GAREM1: variants seen among roughly 807,000 people sequenced by gnomAD.
The protein encoded by GAREM1 is GRB2 associated regulator of MAPK1 subtype 1.
A neutral mutation model predicts 71.3 loss-of-function variants in GAREM1; 26 were observed. The observed-to-expected ratio is 0.36, with a 90% CI of 0.27 to 0.51. GAREM1 has a LOEUF of 0.51. GAREM1 is among the 20% of genes least tolerant of loss of function. The probability of loss-of-function intolerance (pLI) is 0.95; values close to 1 mark genes in which losing one functional copy is unlikely to be tolerated. For missense variants in GAREM1, 1,026 were observed against 1,103.1 expected, an observed-to-expected ratio of 0.93 and a Z score of 0.99; for synonymous variants, 440 against 433.2, an observed-to-expected ratio of 1.02 and a Z score of -0.20.
Position 32,267,673 on chromosome 18 carries a change from G to T in GAREM1, c.*198C>A. The T allele has an allele frequency of 1.9e-6, 1 of 529,610 alleles. No homozygotes were observed. 32.8% of individuals were successfully genotyped at this position (529,610 alleles called of 1,614,324 possible). Reference sequence around the variant, plus strand: ...AGTGACGTACAAGGCACACCTCCAAGTGTTCTGTACAGCATTTTTATTGAT... The same window carrying T: ...AGTGACGTACAAGGCACACCTCCAATTGTTCTGTACAGCATTTTTATTGAT... On this transcript the variant is annotated 3_prime_UTR_variant, in exon 6 of 6. Coordinates refer to ENST00000269209, the MANE Select transcript of GAREM1 (RefSeq NM_001242409.2).
In GAREM1 at chr18:32,470,636, G is replaced by C. The variant is rs2049045684; in HGVS notation, c.-208C>G. Among the ~76,000 whole-genome samples, 1 of 148,632 alleles carries C rather than the reference G, an allele frequency of 6.7e-6. No homozygotes were observed. Among genetic ancestry groups the C allele is most frequent in the Admixed American group, 6.7e-5 (1 of 14,946 alleles). The stretch of plus-strand genomic sequence containing the variant: ...GGCTCAGCTGCCGCTGCGGGGCATG[G>C]CTGGGGCGCCCCGCGTGCCCTCACG... On this transcript the variant is annotated 5_prime_UTR_variant, in exon 1 of 6. Coordinates refer to ENST00000269209, the MANE Select transcript of GAREM1 (RefSeq NM_001242409.2). This position sits in a 1 kb window ranked among gnomAD's most constrained non-coding sequence, Gnocchi z 4.4.
At chr18:32,292,934 T>C (rs562110838) in intron 3 of GAREM1, among the ~76,000 whole-genome samples, 2 of 152,296 alleles carry the variant, frequency 1.3e-5, no homozygotes, top group East Asian at 3.9e-4. Flanking sequence ...GAGTCAAATT[T>C]ATTTGTATTG....
intron 1 of GAREM1, among the ~76,000 whole-genome samples, chr18:32,439,729 C>A (rs1044193651): frequency 1.3e-5 from 2 of 151,644 alleles, no homozygotes; most frequent in South Asian, 2.1e-4. Flanking sequence ...ATTGACATAG[C>A]TAAGTAAGGG....
chr18:32,447,595 G>T (rs1253814163), intron 1 of GAREM1, among the ~76,000 whole-genome samples: 1 of 152,024 alleles, frequency 6.6e-6, no homozygotes, highest in East Asian at 1.9e-4. Context: ...TATTTTACAG[G>T]AAAGCAATAA....
intron 1 of GAREM1, among the ~76,000 whole-genome samples, chr18:32,467,437 C>T (rs1326604028): frequency 6.6e-6 from 1 of 152,094 alleles, no homozygotes; most frequent in Non-Finnish European, 1.5e-5. Flanking sequence ...AGAAGGTTGG[C>T]TGGAAATTCC....
At chr18:32,285,360 A>G (rs1312359866) in intron 4 of GAREM1, among the ~76,000 whole-genome samples, 1 of 152,144 alleles carries the variant, frequency 6.6e-6, no homozygotes, top group Non-Finnish European at 1.5e-5. Context: ...AGCCTGGCAC[A>G]AACTGCTGCC....
At chr18:32,378,053 T>TGTGTGTGTGTGC (rs1567986666) in intron 2 of GAREM1, among the ~76,000 whole-genome samples, 1 of 141,666 alleles carries the variant, frequency 7.1e-6, no homozygotes, top group East Asian at 2.0e-4. Context: ...TGTGTGTGTG[T>TGTGTGTGTGTGC]GTGTGCGCGC....
intron 2 of GAREM1, among the ~76,000 whole-genome samples, chr18:32,335,666 G>C (rs1293507825): frequency 6.6e-6 from 1 of 152,106 alleles, no homozygotes; most frequent in Non-Finnish European, 1.5e-5. Flanking sequence ...TCCATCTCTT[G>C]TATTTATTTC....
intron 2 of GAREM1, among the ~76,000 whole-genome samples, chr18:32,365,726 A>G (rs546499678): frequency 3.5e-4 from 53 of 152,282 alleles, no homozygotes; most frequent in Non-Finnish European, 5.6e-4. Flanking sequence ...TGCCACCAGC[A>G]CTTCATCAAA....
At chr18:32,374,573 G>T in intron 2 of GAREM1, among the ~76,000 whole-genome samples, 1 of 152,152 alleles carries the variant, frequency 6.6e-6, no homozygotes, top group East Asian at 1.9e-4. Context: ...GGTACCTCTG[G>T]AGAAGTATGT....
At chr18:32,377,900 A>G (rs1164275730) in intron 2 of GAREM1, among the ~76,000 whole-genome samples, 1 of 152,102 alleles carries the variant, frequency 6.6e-6, no homozygotes, top group Non-Finnish European at 1.5e-5. Flanking sequence ...AAGAGGTCAA[A>G]TGCATCAAAT....
intron 4 of GAREM1, among the ~76,000 whole-genome samples, chr18:32,286,685 G>A (rs765325993): frequency 1.3e-5 from 2 of 152,084 alleles, no homozygotes; most frequent in Non-Finnish European, 2.9e-5. Context: ...CAGCTGCCAC[G>A]GTTTAGGGCC....
intron 2 of GAREM1, among the ~76,000 whole-genome samples, chr18:32,357,484 C>T (rs1263614681): frequency 6.6e-6 from 1 of 152,180 alleles, no homozygotes; most frequent in Admixed American, 6.5e-5. Flanking sequence ...GACAGAGACA[C>T]TTGATTTGTG....
chr18:32,281,345 T>A (rs1355084641), intron 4 of GAREM1, among the ~76,000 whole-genome samples: 1 of 152,128 alleles, frequency 6.6e-6, no homozygotes, highest in African/African-American at 2.4e-5. Context: ...GCTAGGCCCA[T>A]CAATCTGGCA....
intron 3 of GAREM1, among the ~76,000 whole-genome samples, chr18:32,303,019 T>C (rs1390375878): frequency 6.6e-6 from 1 of 152,028 alleles, no homozygotes; most frequent in Non-Finnish European, 1.5e-5. Context: ...AGTAGGGAAG[T>C]GGTTCTGAAG....
At chr18:32,435,446 A>G (rs1463547874) in intron 1 of GAREM1, among the ~76,000 whole-genome samples, 1 of 152,206 alleles carries the variant, frequency 6.6e-6, no homozygotes, top group Non-Finnish European at 1.5e-5. Flanking sequence ...ATTTCAAAAT[A>G]AAAAGCTGAA....
At chr18:32,365,898 C>A (rs1410081038) in intron 2 of GAREM1, among the ~76,000 whole-genome samples, 2 of 152,140 alleles carry the variant, frequency 1.3e-5, no homozygotes, top group African/African-American at 4.8e-5. Context: ...AATTCCATGG[C>A]TAGGGGAGGA....
intron 1 of GAREM1, among the ~76,000 whole-genome samples, chr18:32,449,602 T>C (rs937969794): frequency 4.5e-4 from 68 of 152,104 alleles, no homozygotes; most frequent in African/African-American, 3.4e-4. Flanking sequence ...GTGGCTGAGG[T>C]TGCAGTGAGC....
chr18:32,413,209 T>C, intron 1 of GAREM1: 1 of 1,606,782 alleles, frequency 6.2e-7, no homozygotes, highest in Non-Finnish European at 8.5e-7. Flanking sequence ...TTAACGATGC[T>C]TCTTCGGCGG....
Sources: allele counts gnomAD v4.1 joint callset (sites outside exome capture counted in the v4.1 genomes callset), GRCh38; gene constraint gnomAD v4.1.1; non-coding constraint Gnocchi (gnomAD v3.1); transcripts MANE v1.5; gene names NCBI Gene and HGNC (gene_info 2026-07-23, HGNC 2026-07-21).